The following RAD51B variants were observed in gnomAD, a reference collection of about 807,000 sequenced individuals.
The protein encoded by RAD51B is RAD51 paralog B, also known as DNA repair protein RAD51 homolog 2.
RAD51B carries 38 observed loss-of-function variants against 42.2 expected under a neutral mutation model. That is an observed-to-expected ratio of 0.90 (90% CI 0.70 to 1.18). The LOEUF (loss-of-function observed/expected upper bound fraction) is 1.18. Ranked by LOEUF, RAD51B falls within the 50% of genes most tolerant of loss-of-function variation. The pLI is 0.00. For missense variants in RAD51B, 373 were observed against 400.7 expected (o/e 0.93, Z 0.59); for synonymous variants, 154 against 145.2 (o/e 1.06, Z -0.43).
chr14:68,064,391 T>G (rs531873994), intron 7 of RAD51B, among the ~76,000 whole-genome samples: 2 of 152,202 alleles, frequency 1.3e-5, no homozygotes, highest in Non-Finnish European at 2.9e-5. Context: ...TTCTTTGTCT[T>G]TGACTTTTGA....
chr14:68,465,226 T>C (rs2085945438), intron 9 of RAD51B, among the ~76,000 whole-genome samples: 1 of 152,204 alleles, frequency 6.6e-6, no homozygotes, highest in Non-Finnish European at 1.5e-5. Flanking sequence ...TTTTTTTATA[T>C]GTTTAGTTTA....
Position 68,116,592 on chromosome 14 carries a change from A to G in RAD51B, c.757-175292A>G, listed in dbSNP as rs180733046. The stretch of plus-strand genomic sequence containing the variant: ...AAGCAGAGAATTTGACAGTCATGAC[A>G]TTATATTGTGAACCTTTAAGTTTTA... On this transcript the variant is annotated intron_variant, in intron 7 of 10. Coordinates refer to ENST00000471583, the MANE Select transcript of RAD51B (RefSeq NM_133510.4). Among the ~76,000 whole-genome samples, 11 of 152,302 alleles carry G rather than the reference A, an allele frequency of 7.2e-5. No homozygotes were observed. The East Asian group carries it at 1.5e-3, about 21-fold the overall frequency.
At chr14:68,168,454 T>C (rs751748204) in intron 7 of RAD51B, among the ~76,000 whole-genome samples, 28 of 152,186 alleles carry the variant, frequency 1.8e-4, no homozygotes, top group Non-Finnish European at 4.0e-4. Flanking sequence ...ATAAATTCTC[T>C]CCTTCAGACT....
At chr14:68,388,197 G>A (rs1209755466) in intron 8 of RAD51B, among the ~76,000 whole-genome samples, 2 of 151,464 alleles carry the variant, frequency 1.3e-5, no homozygotes, top group African/African-American at 2.4e-5. Flanking sequence ...TGGTTCAAGC[G>A]ATTCTCCCAC....
At chr14:68,668,037 G>A (rs1388253192) in intron 11 of RAD51B, among the ~76,000 whole-genome samples, 1 of 152,198 alleles carries the variant, frequency 6.6e-6, no homozygotes, top group African/African-American at 2.4e-5. Context: ...GGAAACAAGT[G>A]ATTACCAATC....
At chr14:68,110,200 G>A (rs958807703) in intron 7 of RAD51B, among the ~76,000 whole-genome samples, 1 of 151,936 alleles carries the variant, frequency 6.6e-6, no homozygotes, top group Admixed American at 6.6e-5. Context: ...AGGGACAGTA[G>A]GCTTGTTTTT....
intron 10 of RAD51B, among the ~76,000 whole-genome samples, chr14:68,567,642 G>A (rs1889488881): frequency 6.6e-6 from 1 of 152,178 alleles, no homozygotes; most frequent in South Asian, 2.1e-4. Context: ...TGTGCTCTGT[G>A]TATACCTACT....
intron 10 of RAD51B, among the ~76,000 whole-genome samples, chr14:68,621,583 G>A (rs1010635415): frequency 6.6e-6 from 1 of 152,208 alleles, no homozygotes; most frequent in Non-Finnish European, 1.5e-5. Flanking sequence ...CTGTTTCCCT[G>A]GGGCAGAGCT....
At chr14:68,430,162 A>G (rs913176467) in intron 9 of RAD51B, among the ~76,000 whole-genome samples, 1 of 152,158 alleles carries the variant, frequency 6.6e-6, no homozygotes, top group African/African-American at 2.4e-5. Context: ...TTTGTGGTAT[A>G]GTTTGAAGTC....
At chr14:68,069,135 A>G (rs1454678350) in intron 7 of RAD51B, among the ~76,000 whole-genome samples, 1 of 152,148 alleles carries the variant, frequency 6.6e-6, no homozygotes. Flanking sequence ...GACATTGATG[A>G]GAATTGCTCT....
chr14:68,529,686 A>G (rs1887151876), intron 10 of RAD51B, among the ~76,000 whole-genome samples: 1 of 152,234 alleles, frequency 6.6e-6, no homozygotes, highest in East Asian at 1.9e-4. Flanking sequence ...GAAGAAAATG[A>G]GGAGAAAGAA....
chr14:68,275,097 T>C (rs2081194414), intron 7 of RAD51B, among the ~76,000 whole-genome samples: 1 of 152,220 alleles, frequency 6.6e-6, no homozygotes, highest in African/African-American at 2.4e-5. Context: ...TTGATGATCA[T>C]TGCCTAGATC....
intron 11 of RAD51B, among the ~76,000 whole-genome samples, chr14:68,666,872 T>G (rs1372692837): frequency 6.6e-6 from 1 of 152,172 alleles, no homozygotes; most frequent in Non-Finnish European, 1.5e-5. Flanking sequence ...CCTCTATATA[T>G]AGAGATAGAT....
rs565331165 is a variant in RAD51B at position 67,858,219 on chromosome 14, C to A, written c.316-6784C>A. 8.0e-4 allele frequency among the ~76,000 whole-genome samples: 122 copies of A among 152,340 alleles called. 1 individual carries two copies. The highest frequency in any genetic ancestry group is 2.9e-3 in the African/African-American group (120 of 41,586). On this transcript the variant is annotated intron_variant, in intron 4 of 10. Coordinates refer to ENST00000471583, the MANE Select transcript of RAD51B (RefSeq NM_133510.4). Reference sequence around the variant, plus strand: ...TGAGGGCAAAGGGCCAGCGTGACAGCCTTCTGGGTACCCGCACTTGGTGGG... The same window carrying A: ...TGAGGGCAAAGGGCCAGCGTGACAGACTTCTGGGTACCCGCACTTGGTGGG...
At chr14:68,349,417 A>G (rs1177780635) in intron 8 of RAD51B, among the ~76,000 whole-genome samples, 1 of 151,918 alleles carries the variant, frequency 6.6e-6, no homozygotes, top group Non-Finnish European at 1.5e-5. Flanking sequence ...CCCAGGCTGG[A>G]GTGCAGTGGC....
chr14:68,641,083 C>T (rs1004951972), intron 10 of RAD51B, among the ~76,000 whole-genome samples: 44 of 152,108 alleles, frequency 2.9e-4, no homozygotes, highest in African/African-American at 1.0e-3. Flanking sequence ...AATGAGTTCA[C>T]CTTGGTTGCT....
intron 7 of RAD51B, among the ~76,000 whole-genome samples, chr14:68,102,409 C>G (rs766837984): frequency 6.6e-6 from 1 of 152,068 alleles, no homozygotes; most frequent in Non-Finnish European, 1.5e-5. Flanking sequence ...AATGCCAAAC[C>G]ATCTCTCTCA....
At chr14:68,110,239 A>T (rs2077439945) in intron 7 of RAD51B, among the ~76,000 whole-genome samples, 2 of 151,966 alleles carry the variant, frequency 1.3e-5, no homozygotes, top group African/African-American at 4.8e-5. Context: ...TCAAGATCCT[A>T]GGGGATTTGA....
chr14:68,597,379 G>A (rs554223000), downstream of RAD51B, among the ~76,000 whole-genome samples: 10 of 152,226 alleles, frequency 6.6e-5, no homozygotes, highest in South Asian at 1.2e-3. Context: ...GACCAGCCAA[G>A]GAACATTTTC....
Sources: gnomAD v4.1 joint callset for allele counts (sites outside exome capture counted in the v4.1 genomes callset) on GRCh38, gnomAD v4.1.1 for gene constraint, MANE v1.5 for transcripts, NCBI Gene and HGNC (gene_info 2026-07-23, HGNC 2026-07-21) for gene names.